The following NPAS3 variants were observed in gnomAD, a reference collection of about 807,000 sequenced individuals.
The protein encoded by NPAS3 is neuronal PAS domain protein 3.
A neutral mutation model predicts 73.1 loss-of-function variants in NPAS3; 14 were observed. The observed-to-expected ratio is 0.19, with a 90% CI of 0.13 to 0.30. The LOEUF (loss-of-function observed/expected upper bound fraction) is 0.30. Among genes scored for constraint, NPAS3 ranks in the 10% least tolerant of loss-of-function variants. NPAS3 has a pLI of 1.00. For missense variants in NPAS3, 1,096 were observed against 1,250.0 expected (o/e 0.88, Z 1.86); for synonymous variants, 620 against 541.5 (o/e 1.14, Z -2.01).
intron 2 of NPAS3, among the ~76,000 whole-genome samples, chr14:33,162,488 A>C (rs2044933706): frequency 6.6e-6 from 1 of 152,202 alleles, no homozygotes; most frequent in African/African-American, 2.4e-5. Flanking sequence ...TTAAAAATTT[A>C]ATAAAGCTAA....
At chr14:33,617,678 G>A (rs1011054087) in intron 5 of NPAS3, among the ~76,000 whole-genome samples, 3 of 152,146 alleles carry the variant, frequency 2.0e-5, no homozygotes, top group Non-Finnish European at 4.4e-5. Context: ...TGAATGAATG[G>A]GCAAAAGCTG....
chr14:33,784,509 A>T (rs983846948), intron 9 of NPAS3, among the ~76,000 whole-genome samples: 1 of 152,126 alleles, frequency 6.6e-6, no homozygotes, highest in Non-Finnish European at 1.5e-5. Flanking sequence ...TTGAAAGAGG[A>T]TGGCAAGAGA....
In NPAS3 at chr14:33,505,754, T is replaced by C. The variant is rs1217605401; in HGVS notation, c.469-54367T>C. ...TCAAAGATACACAGTTGAACACCAA[T>C]AGGCAGTTGCATTCAAATGCCCTGA... is the stretch of plus-strand genomic sequence containing the variant. On this transcript the variant is annotated intron_variant, in intron 4 of 11. Coordinates refer to ENST00000356141, the Ensembl canonical transcript of NPAS3. 5.9e-5 allele frequency among the ~76,000 whole-genome samples: 9 copies of C among 151,968 alleles called. 1 individual carries two copies. Among genetic ancestry groups the C allele is most frequent in the African/African-American group, 2.2e-4 (9 of 41,418 alleles).
chr14:33,704,627 A>G (rs1167888620), intron 6 of NPAS3, among the ~76,000 whole-genome samples: 3 of 152,212 alleles, frequency 2.0e-5, no homozygotes, highest in African/African-American at 7.2e-5. Context: ...AAGTGTTTAT[A>G]TCACCTGGGG....
intron 2 of NPAS3, among the ~76,000 whole-genome samples, chr14:33,212,000 A>C (rs2047057356): frequency 6.6e-6 from 1 of 152,226 alleles, no homozygotes; most frequent in African/African-American, 2.4e-5. Flanking sequence ...TTCTATCTTT[A>C]GTACTCTAGA....
intron 3 of NPAS3, among the ~76,000 whole-genome samples, chr14:33,217,808 A>C (rs2047280635): frequency 6.6e-6 from 1 of 152,188 alleles, no homozygotes; most frequent in Non-Finnish European, 1.5e-5. Context: ...TAGATGAGGC[A>C]AGTGTTAAGT....
intron 1 of NPAS3, among the ~76,000 whole-genome samples, chr14:32,975,327 T>C (rs889002468): frequency 7.0e-6 from 1 of 142,398 alleles, no homozygotes; most frequent in Non-Finnish European, 1.5e-5. Flanking sequence ...ACTCCCTGCC[T>C]CCTTCCCTTT....
At chr14:33,170,623 T>A (rs185385530) in intron 2 of NPAS3, among the ~76,000 whole-genome samples, 16 of 152,360 alleles carry the variant, frequency 1.1e-4, no homozygotes, top group Admixed American at 6.5e-4. Context: ...ATTAAGTTTG[T>A]TATTTGTTGT....
chr14:33,277,406 G>C (rs2041386738), intron 3 of NPAS3, among the ~76,000 whole-genome samples: 1 of 152,102 alleles, frequency 6.6e-6, no homozygotes, highest in African/African-American at 2.4e-5. Flanking sequence ...GCTGTATGCT[G>C]GGTACTTGGA....
intron 4 of NPAS3, among the ~76,000 whole-genome samples, chr14:33,518,327 T>C (rs2053398986): frequency 6.6e-6 from 1 of 152,002 alleles, no homozygotes. Context: ...GTTCCTCTAG[T>C]TGGATGGCAA....
chr14:33,235,440 A>T (rs980479289), intron 3 of NPAS3, among the ~76,000 whole-genome samples: 7 of 152,060 alleles, frequency 4.6e-5, no homozygotes, highest in African/African-American at 1.7e-4. Flanking sequence ...AATGTAGGTT[A>T]TAGTCACTGT....
intron 4 of NPAS3, among the ~76,000 whole-genome samples, chr14:33,370,438 G>C (rs958985269): frequency 2.6e-5 from 4 of 152,170 alleles, no homozygotes; most frequent in Non-Finnish European, 5.9e-5. Flanking sequence ...TTAGATGTTT[G>C]ATATGATGGC....
At chr14:33,759,056 T>A (rs2062203380) in intron 7 of NPAS3, among the ~76,000 whole-genome samples, 1 of 152,204 alleles carries the variant, frequency 6.6e-6, no homozygotes, top group Non-Finnish European at 1.5e-5. Context: ...CAAAAGTGTG[T>A]CATAATGCCC....
intron 3 of NPAS3, among the ~76,000 whole-genome samples, chr14:33,352,224 G>A (rs148544746): frequency 1.8e-3 from 271 of 152,282 alleles, no homozygotes; most frequent in Non-Finnish European, 2.6e-3. Context: ...AAGCAGGTAT[G>A]TTCACCTTTC....
chr14:33,145,352 G>A (rs1018356988), intron 2 of NPAS3, among the ~76,000 whole-genome samples: 1 of 152,196 alleles, frequency 6.6e-6, no homozygotes, highest in African/African-American at 2.4e-5. Context: ...TCAAAGGAAA[G>A]TTAGAAAGTT....
chr14:32,961,114 G>GA (rs969795026), intron 1 of NPAS3, among the ~76,000 whole-genome samples: 3 of 151,974 alleles, frequency 2.0e-5, no homozygotes, highest in South Asian at 2.1e-4. Flanking sequence ...ACAATTCTCT[G>GA]AAAAAAAATG....
intron 2 of NPAS3, among the ~76,000 whole-genome samples, chr14:33,121,619 T>G (rs1016853204): frequency 6.6e-6 from 1 of 152,090 alleles, no homozygotes; most frequent in South Asian, 2.1e-4. Flanking sequence ...GACTTCAGAG[T>G]AAATCAGTCT....
intron 3 of NPAS3, among the ~76,000 whole-genome samples, chr14:33,244,741 A>C (rs1446721686): frequency 6.6e-6 from 1 of 152,030 alleles, no homozygotes. Context: ...GCCTTTAATT[A>C]TTTATGCTTG....
Position 32,978,177 on chromosome 14 carries a change from A to G in NPAS3, c.50+38811A>G, listed in dbSNP as rs147752140. The stretch of plus-strand genomic sequence containing the variant: ...AAGCTGGAGAAGAGGCAGGACTCCA[A>G]ATATCAAGGGTCTAGTTTTTAGCTA... On this transcript the variant is annotated intron_variant, in intron 1 of 11. Coordinates refer to ENST00000356141, the Ensembl canonical transcript of NPAS3. Among the ~76,000 whole-genome samples the G allele has an allele frequency of 6.6e-4, 100 of 152,256 alleles. 2 individuals are homozygous for G. The East Asian group carries it at 0.016, about 25-fold the overall frequency.
Sources: gnomAD v4.1 joint callset for allele counts (sites outside exome capture counted in the v4.1 genomes callset) on GRCh38, gnomAD v4.1.1 for gene constraint, MANE v1.5 for transcripts, NCBI Gene and HGNC (gene_info 2026-07-23, HGNC 2026-07-21) for gene names.